The following HS1BP3 variants were observed in gnomAD, a reference collection of about 807,000 sequenced individuals.
The protein encoded by HS1BP3 is HCLS1 binding protein 3, also known as HCLS1-binding protein 3.
HS1BP3 carries 32 observed loss-of-function variants against 33.5 expected under a neutral mutation model. The ratio of observed to expected loss-of-function variants is 0.95; its 90% CI spans 0.72 to 1.28. The LOEUF (loss-of-function observed/expected upper bound fraction) is 1.28. Ranked by LOEUF, HS1BP3 falls within the 50% of genes most tolerant of loss-of-function variation. The probability of loss-of-function intolerance (pLI) is 0.00; values close to 1 mark genes in which losing one functional copy is unlikely to be tolerated. For synonymous variants in HS1BP3, 187 were observed against 209.2 expected, an observed-to-expected ratio of 0.89 and a Z score of 0.92; for missense variants, 486 against 502.3, an observed-to-expected ratio of 0.97 and a Z score of 0.31.
rs777299476 is a variant in HS1BP3, at chr2:20,624,855, T to C, written c.661A>G (p.Lys221Glu). 1.2e-6 allele frequency: 2 copies of C among 1,613,826 alleles called. No individual in the cohort carries two copies. The highest frequency in any genetic ancestry group is 1.7e-6 in the Non-Finnish European group (2 of 1,179,968). Residue 221 changes from lysine to glutamate, a missense_variant, in exon 5 of 7, where the codon AAA becomes GAA. Transcript: ENST00000304031. ...KPKKHPKVAV[K>E]AKPSPRLTIF... is the part of the protein sequence containing the mutation. ...GTGAGCCGGGGCGAGGGCTTGGCTTTCACGGCCACTTTGGGATGTTTCTTG... is the reference window on the plus strand; with the variant it reads ...GTGAGCCGGGGCGAGGGCTTGGCTTCCACGGCCACTTTGGGATGTTTCTTG...
intron 1 of HS1BP3, 73 bp downstream of exon 1, chr2:20,650,959 C>A: frequency 8.5e-7 from 1 of 1,180,460 alleles, no homozygotes. Flanking sequence ...GAGGCGGCGG[C>A]CTCCCCCCGC....
At chr2:20,645,282 T>A in intron 2 of HS1BP3, 58 bp downstream of exon 2, 3 of 1,558,708 alleles carry the variant, frequency 1.9e-6, no homozygotes, top group Non-Finnish European at 2.6e-6. Flanking sequence ...GGCAGATGTG[T>A]CTGCCCGCCC....
chr2:20,624,081 T>G, intron 5 of HS1BP3, 50 bp from the exon 6 acceptor site: 1 of 1,594,666 alleles, frequency 6.3e-7, no homozygotes, highest in Non-Finnish European at 8.5e-7. Context: ...TAGGCTGGGA[T>G]GCCATGGCTG....
At chr2:20,567,229 C>G (rs935389475) in intron 5 of HS1BP3, among the ~76,000 whole-genome samples, 2 of 152,070 alleles carry the variant, frequency 1.3e-5, no homozygotes, top group African/African-American at 4.8e-5. Context: ...GCACGGGACT[C>G]ACATCAATAT....
downstream of HS1BP3, among the ~76,000 whole-genome samples, chr2:20,558,863 G>C (rs1050070388): frequency 6.6e-6 from 1 of 152,192 alleles, no homozygotes; most frequent in Non-Finnish European, 1.5e-5. Context: ...CTGGGTGGGC[G>C]CTGCTGGGCT....
intron 5 of HS1BP3, among the ~76,000 whole-genome samples, chr2:20,561,294 C>A (rs745567925): frequency 6.6e-6 from 1 of 152,180 alleles, no homozygotes; most frequent in African/African-American, 2.4e-5. Flanking sequence ...TGAGGGTAGG[C>A]ACTGTGTCTG....
intron 3 of HS1BP3, among the ~76,000 whole-genome samples, chr2:20,596,907 T>C (rs1693955975): frequency 2.0e-5 from 3 of 152,178 alleles, no homozygotes; most frequent in African/African-American, 7.2e-5. Flanking sequence ...TGCAGACCCG[T>C]GGCAGCCAGC....
At chr2:20,586,552 G>A (rs1296713197) in intron 5 of HS1BP3, 2 of 152,166 alleles carry the variant, frequency 1.3e-5, no homozygotes, top group South Asian at 2.1e-4. Context: ...GCAAGCTCTT[G>A]ACCCATTTAA....
chr2:20,593,544 G>T, intron 3 of HS1BP3, among the ~76,000 whole-genome samples: 1 of 152,138 alleles, frequency 6.6e-6, no homozygotes, highest in Non-Finnish European at 1.5e-5. Flanking sequence ...CCACCTCTGA[G>T]CTCCTGGTGT....
chr2:20,601,710 G>GAACTGGGA (rs1694072811), intron 2 of HS1BP3, among the ~76,000 whole-genome samples: 1 of 150,674 alleles, frequency 6.6e-6, no homozygotes, highest in Non-Finnish European at 1.5e-5. Context: ...CAGCCATGTG[G>GAACTGGGA]AACTGGGAGT....
intron 4 of HS1BP3, among the ~76,000 whole-genome samples, chr2:20,632,418 G>A (rs1196197437): frequency 6.6e-6 from 1 of 152,202 alleles, no homozygotes; most frequent in East Asian, 1.9e-4. Flanking sequence ...AACAGGTGAG[G>A]GCTGAGAAGT....
chr2:20,602,215 C>T (rs1057129380), intron 2 of HS1BP3, among the ~76,000 whole-genome samples: 1 of 151,134 alleles, frequency 6.6e-6, no homozygotes, highest in East Asian at 2.0e-4. Context: ...AGGAGCCATG[C>T]GGGGGGAATT....
chr2:20,570,949 A>G (rs1693251841), intron 5 of HS1BP3, among the ~76,000 whole-genome samples: 1 of 152,088 alleles, frequency 6.6e-6, no homozygotes, highest in Non-Finnish European at 1.5e-5. Context: ...CTTGGATTTT[A>G]TCCTAAAGGC....
At chr2:20,589,622 G>T (rs1572311290), downstream of HS1BP3, among the ~76,000 whole-genome samples, 1 of 152,142 alleles carries the variant, frequency 6.6e-6, no homozygotes. Flanking sequence ...AAGGTGTTTT[G>T]CAGATCTGAA....
At chr2:20,592,928 T>C (rs922666027) in intron 3 of HS1BP3, 4 of 152,280 alleles carry the variant, frequency 2.6e-5, no homozygotes, top group African/African-American at 9.6e-5. Flanking sequence ...GATGCGAACA[T>C]GGCTTTTTTG....
At chr2:20,631,098 G>A (rs1199199068) in intron 4 of HS1BP3, among the ~76,000 whole-genome samples, 2 of 152,284 alleles carry the variant, frequency 1.3e-5, no homozygotes, top group South Asian at 2.1e-4. Context: ...GCTGCCAAGT[G>A]GGTCCTGGAT....
At chr2:20,610,868 T>A (rs954834407) in intron 2 of HS1BP3, among the ~76,000 whole-genome samples, 1 of 152,144 alleles carries the variant, frequency 6.6e-6, no homozygotes, top group African/African-American at 2.4e-5. Context: ...GTTTGATGAG[T>A]TTTGGTGAAC....
At chr2:20,648,513 A>AC (rs1001965327) in intron 1 of HS1BP3, among the ~76,000 whole-genome samples, 1 of 151,870 alleles carries the variant, frequency 6.6e-6, no homozygotes, top group Non-Finnish European at 1.5e-5. Flanking sequence ...TGGCTGGAGC[A>AC]CCCCCTCACT....
At chr2:20,624,176 G>A in intron 5 of HS1BP3, 145 bp from the exon 6 acceptor site, 1 of 1,068,942 alleles carries the variant, frequency 9.4e-7, no homozygotes, top group South Asian at 1.7e-5. Context: ...AACTGGTGCT[G>A]CTTTGTAACT....
Sources: gnomAD v4.1 joint callset for allele counts (sites outside exome capture counted in the v4.1 genomes callset) on GRCh38, gnomAD v4.1.1 for gene constraint, MANE v1.5 for transcripts, NCBI Gene and HGNC (gene_info 2026-07-23, HGNC 2026-07-21) for gene names.